TPD52L1: variants seen among roughly 807,000 people sequenced by gnomAD.
TPD52L1 encodes TPD52 like 1, also known as tumor protein D53.
A neutral mutation model predicts 28.7 loss-of-function variants in TPD52L1; 18 were observed. The observed-to-expected ratio is 0.63, with a 90% CI of 0.43 to 0.93. TPD52L1 has a LOEUF of 0.93. TPD52L1 is among the 40% of genes least tolerant of loss of function. The pLI is 0.00. For missense variants in TPD52L1, 203 were observed against 254.8 expected, an observed-to-expected ratio of 0.80 and a Z score of 1.39; for synonymous variants, 75 against 88.8, an observed-to-expected ratio of 0.84 and a Z score of 0.88.
chr6:125,170,298 G>A (rs1027094182), intron 1 of TPD52L1, among the ~76,000 whole-genome samples: 2 of 152,018 alleles, frequency 1.3e-5, no homozygotes, highest in African/African-American at 4.8e-5. Flanking sequence ...GGCAGGTATT[G>A]CCTATTAATG....
chr6:125,172,290 T>A (rs1791457451), intron 1 of TPD52L1, among the ~76,000 whole-genome samples: 1 of 143,244 alleles, frequency 7.0e-6, no homozygotes, highest in African/African-American at 2.6e-5. Context: ...TCCTTCTTTC[T>A]TTCTTTCCTT....
intron 1 of TPD52L1, among the ~76,000 whole-genome samples, chr6:125,161,481 G>A (rs139070151): frequency 3.3e-4 from 51 of 152,296 alleles, no homozygotes; most frequent in African/African-American, 1.1e-3. Context: ...CTTTCACTGT[G>A]CCTTCCTTGC....
intron 3 of TPD52L1, among the ~76,000 whole-genome samples, chr6:125,242,012 A>C (rs186377898): frequency 5.9e-5 from 9 of 152,038 alleles, no homozygotes; most frequent in African/African-American, 2.2e-4. Context: ...AGAGGTTTTG[A>C]TAAGTTGTCT....
chr6:125,210,516 T>C (rs983672864), intron 1 of TPD52L1, among the ~76,000 whole-genome samples: 1 of 152,200 alleles, frequency 6.6e-6, no homozygotes, highest in Non-Finnish European at 1.5e-5. Flanking sequence ...GAACATGGCC[T>C]GTGGGTTTGT....
At chr6:125,156,233 G>A (rs1173325103) in intron 1 of TPD52L1, among the ~76,000 whole-genome samples, 1 of 152,136 alleles carries the variant, frequency 6.6e-6, no homozygotes, top group African/African-American at 2.4e-5. Flanking sequence ...GGAGGCCAAG[G>A]TAGGAGGATC....
At chr6:125,252,016 C>T (rs972085436) in intron 4 of TPD52L1, 5 of 1,536,104 alleles carry the variant, frequency 3.3e-6, no homozygotes, top group Non-Finnish European at 4.4e-6. Context: ...TGCTTCCGGG[C>T]TGCAGGTCTC....
At chr6:125,160,351 T>G (rs1790437517) in intron 1 of TPD52L1, among the ~76,000 whole-genome samples, 1 of 151,964 alleles carries the variant, frequency 6.6e-6, no homozygotes, top group African/African-American at 2.4e-5. Context: ...GAATAATTAT[T>G]TATTTATTTG....
chr6:125,251,418 A>G (rs1235498359), intron 4 of TPD52L1, among the ~76,000 whole-genome samples: 1 of 151,152 alleles, frequency 6.6e-6, no homozygotes, highest in Non-Finnish European at 1.5e-5. Flanking sequence ...TAATATTTAC[A>G]GATTTTGTAA....
intron 1 of TPD52L1, among the ~76,000 whole-genome samples, chr6:125,184,793 G>A (rs796540516): frequency 1.3e-5 from 2 of 151,586 alleles, no homozygotes; most frequent in African/African-American, 4.8e-5. Flanking sequence ...AAATAGTAGA[G>A]GAAAAGAGGA....
chr6:125,172,166 T>A (rs1791432320), intron 1 of TPD52L1, among the ~76,000 whole-genome samples: 2 of 67,222 alleles, frequency 3.0e-5, no homozygotes, highest in African/African-American at 1.0e-4. Context: ...CTTTTCTTTC[T>A]TTCTTTCTTT....
chr6:125,175,315 G>GCA (rs1175098806), intron 1 of TPD52L1, among the ~76,000 whole-genome samples: 1 of 152,140 alleles, frequency 6.6e-6, no homozygotes, highest in African/African-American at 2.4e-5. Flanking sequence ...GCAGGTGGTA[G>GCA]CAGCATGGAC....
chr6:125,158,048 T>C (rs954063059), intron 1 of TPD52L1, among the ~76,000 whole-genome samples: 2 of 152,138 alleles, frequency 1.3e-5, no homozygotes, highest in African/African-American at 2.4e-5. Flanking sequence ...TATGCTGCTT[T>C]CTGTTCTGTT....
At position 125,175,017 on chromosome 6, in the gene TPD52L1, A is replaced by ATG. The variant is rs544928489; in HGVS notation, c.19+21061_19+21062dup. ...TATGTTTGTGTTTATTTACATATAT[A>ATG]TGTGTGTGTGTGTGTATCCTATCAT... On this transcript the variant is annotated intron_variant, in intron 1 of 6. Transcript: ENST00000534000. Among the ~76,000 whole-genome samples the ATG allele has an allele frequency of 1.9e-3, 290 of 151,860 alleles. 3 individuals are homozygous for ATG. Among genetic ancestry groups the ATG allele is most frequent in the African/African-American group, 5.6e-3 (231 of 41,426 alleles).
rs529617239 is a variant in TPD52L1 at position 125,244,473 on chromosome 6, G to T, written c.285-3809G>T. On this transcript the variant is annotated intron_variant, in intron 3 of 6. Transcript: ENST00000534000. The stretch of plus-strand genomic sequence containing the variant: ...GCTCTCCTGCCAGGTCAGCAGGAAA[G>T]CTACTCACCTCACAGCCTTATTCCT... Among the ~76,000 whole-genome samples the T allele has an allele frequency of 3.9e-5, 6 of 152,304 alleles. No homozygotes were observed. The South Asian group carries it at 1.2e-3, about 32-fold the overall frequency.
At chr6:125,245,743 C>G (rs569980175) in intron 3 of TPD52L1, among the ~76,000 whole-genome samples, 1 of 152,302 alleles carries the variant, frequency 6.6e-6, no homozygotes, top group African/African-American at 2.4e-5. Context: ...GTTGGCGAGG[C>G]CAGTCTCACT....
At chr6:125,189,293 T>C (rs1030879771) in intron 1 of TPD52L1, among the ~76,000 whole-genome samples, 1 of 152,354 alleles carries the variant, frequency 6.6e-6, no homozygotes, top group Admixed American at 6.5e-5. Context: ...TAGAGATCAG[T>C]TGTACACTAT....
At chr6:125,156,397 T>C (rs1790122834) in intron 1 of TPD52L1, among the ~76,000 whole-genome samples, 1 of 149,174 alleles carries the variant, frequency 6.7e-6, no homozygotes, top group African/African-American at 2.5e-5. Context: ...GGTCAGAAGT[T>C]TGTGGCTACA....
At chr6:125,159,125 A>G (rs1790341457) in intron 1 of TPD52L1, among the ~76,000 whole-genome samples, 1 of 152,244 alleles carries the variant, frequency 6.6e-6, no homozygotes, top group South Asian at 2.1e-4. Context: ...AGTTTGTCAC[A>G]TAGATTGACT....
At chr6:125,194,959 A>G (rs888052963) in intron 1 of TPD52L1, among the ~76,000 whole-genome samples, 2 of 152,230 alleles carry the variant, frequency 1.3e-5, no homozygotes. Context: ...GAATGGAGTC[A>G]GTGTTCTGAA....
Sources: allele counts gnomAD v4.1 joint callset (sites outside exome capture counted in the v4.1 genomes callset), GRCh38; gene constraint gnomAD v4.1.1; transcripts MANE v1.5; gene names NCBI Gene and HGNC (gene_info 2026-07-23, HGNC 2026-07-21).